Variants in HKDC1 observed in about 807,000 individuals in gnomAD.
HKDC1 encodes hexokinase domain containing 1, also known as hexokinase HKDC1.
In HKDC1, 66 loss-of-function variants were observed where a neutral mutation model predicts 96.6. The ratio of observed to expected loss-of-function variants is 0.68; its 90% confidence interval spans 0.56 to 0.84. The LOEUF is 0.84. Ranked by LOEUF, HKDC1 falls within the 40% of genes least tolerant of loss-of-function variation. The probability of loss-of-function intolerance (pLI) is 0.00; values close to 1 mark genes in which losing one functional copy is unlikely to be tolerated. For synonymous variants in HKDC1, 466 were observed against 473.1 expected, an observed-to-expected ratio of 0.98 and a Z score of 0.20; for missense variants, 1,211 against 1,208.1, an observed-to-expected ratio of 1.00 and a Z score of -0.04.
chr10:69,236,923 A>G (rs747947053), intron 4 of HKDC1, among the ~76,000 whole-genome samples: 1 of 152,206 alleles, frequency 6.6e-6, no homozygotes, highest in African/African-American at 2.4e-5. Flanking sequence ...AGTTCCAACC[A>G]CAAGAAAACT....
chr10:69,258,765 A>G lies in HKDC1; in HGVS notation c.2033-11A>G. 3 of 1,613,938 alleles carry G rather than the reference A, an allele frequency of 1.9e-6. No individual in the cohort carries two copies. The highest frequency in any genetic ancestry group is 2.5e-6 in the Non-Finnish European group (3 of 1,179,880). ...CTTTGAAGACTAAGGTTCCTTCACA[A>G]TTCCTTCTAGGAACAGGCAGCAACA... On this transcript the variant is annotated splice_polypyrimidine_tract_variant and intron_variant, in intron 14 of 17. Transcript: ENST00000354624.
intron 15 of HKDC1, among the ~76,000 whole-genome samples, chr10:69,260,244 G>A (rs1843784798): frequency 6.6e-6 from 1 of 152,236 alleles, no homozygotes; most frequent in Non-Finnish European, 1.5e-5. Context: ...ACAAGACCAA[G>A]ACTGGCCCTG....
intron 15 of HKDC1, among the ~76,000 whole-genome samples, chr10:69,260,375 G>A (rs1843785889): frequency 6.6e-6 from 1 of 152,176 alleles, no homozygotes. Flanking sequence ...CCCAAGTTGG[G>A]GCACCTGAGT....
chr10:69,261,582 A>C (rs945838675), intron 16 of HKDC1: 1 of 287,856 alleles, frequency 3.5e-6, no homozygotes, highest in East Asian at 6.1e-5. Context: ...TAAATATTTC[A>C]TAATGTATTT....
intron 16 of HKDC1, among the ~76,000 whole-genome samples, chr10:69,263,770 T>C (rs1843846804): frequency 6.6e-6 from 1 of 152,176 alleles, no homozygotes; most frequent in Non-Finnish European, 1.5e-5. Flanking sequence ...CAGGAAGGAA[T>C]TGCAGGCTTT....
Position 69,232,753 on chromosome 10 carries a change from T to A in HKDC1, c.227-11T>A, listed in dbSNP as rs1229499618. On this transcript the variant is annotated splice_polypyrimidine_tract_variant and intron_variant, in intron 2 of 17. Coordinates refer to ENST00000354624, the MANE Select transcript of HKDC1 (RefSeq NM_025130.4). ...CCTCAATAAATGGAAACTGAATTTG[T>A]TTCTTAATAGAAAATGGGGAGTTCC... 1 of 1,613,616 alleles carries A rather than the reference T, an allele frequency of 6.2e-7. No individual in the cohort carries two copies. Among genetic ancestry groups the A allele is most frequent in the East Asian group, 2.2e-5 (1 of 44,898 alleles).
chr10:69,235,591 T>C (rs1843348825), intron 4 of HKDC1, among the ~76,000 whole-genome samples: 1 of 152,142 alleles, frequency 6.6e-6, no homozygotes, highest in Admixed American at 6.6e-5. Context: ...CTGGATCCTG[T>C]AGTGCAGGTG....
rs189455888 is a variant in HKDC1 at position 69,248,505 on chromosome 10, C to T, written c.1347C>T (p.Ser449=). The T allele has an allele frequency of 1.4e-4, 228 of 1,612,706 alleles. No individual in the cohort carries two copies. The highest frequency in any genetic ancestry group is 1.8e-4 in the Non-Finnish European group (210 of 1,179,006). Residue 449 remains serine (S), a synonymous_variant, in exon 10 of 18, where the codon AGC becomes AGT. Transcript: ENST00000354624. ...GCTTCCTCCTGTCAGAGAGTGGCAG[C>T]ACCAAGGGGGCCGCCATGGTGACCG... ...DVRFLLSESG[S]TKGAAMVTAV...
At chr10:69,223,732 G>A (rs1178996767) in intron 1 of HKDC1, among the ~76,000 whole-genome samples, 2 of 150,096 alleles carry the variant, frequency 1.3e-5, no homozygotes, top group East Asian at 2.0e-4. Flanking sequence ...ATCACAGGCC[G>A]CACCACCACG....
chr10:69,250,668 C>G lies in HKDC1; in HGVS notation c.1836+16C>G, dbSNP rs761922389. On this transcript the variant is annotated intron_variant, in intron 12 of 17. Transcript: ENST00000354624. ...CATTGACAAGGTAAGATAGCCCCAC[C>G]AGGCTCACGGCCAGCCCAGTGGGCT... The G allele has an allele frequency of 1.1e-5, 18 of 1,612,318 alleles. No individual in the cohort carries two copies. Among genetic ancestry groups the G allele is most frequent in the Admixed American group, 1.7e-5 (1 of 59,992 alleles).
chr10:69,226,069 T>A lies in HKDC1; in HGVS notation c.64-1138T>A, dbSNP rs368203642. The A allele has an allele frequency of 1.2e-4, 19 of 152,200 alleles. No homozygotes were observed. In the East Asian group the frequency reaches 2.5e-3, roughly 20 times the overall value. The allele number at this position is 152,200 out of a possible 1,614,324, so 9.4% of individuals were successfully genotyped here. ...GCCCCTGTCTCTCCTCCTGCCCCCA[T>A]CAATAATCCATCCCAGTGAGCCCGG... On this transcript the variant is annotated intron_variant, in intron 1 of 17. Transcript: ENST00000354624.
chr10:69,265,916 C>A, intron 17 of HKDC1, 98 bp downstream of exon 17: 1 of 825,100 alleles, frequency 1.2e-6, no homozygotes, highest in Non-Finnish European at 2.0e-6. Context: ...TGGGAAGATG[C>A]ATCCCCGTCC....
intron 1 of HKDC1, chr10:69,225,894 G>A (rs4746826): frequency 0.49 from 74,632 of 151,842 alleles, 19,239 homozygotes; most frequent in Non-Finnish European, 0.58. Context: ...GGTGACGTAC[G>A]TGGACGCACT....
At position 69,266,992 on chromosome 10, in the gene HKDC1, G is replaced by A. The variant is rs139447144; in HGVS notation, c.*235G>A. 1,769 of 403,984 alleles carry A rather than the reference G, an allele frequency of 4.4e-3. 32 individuals carry two copies. Among genetic ancestry groups the A allele is most frequent in the East Asian group, 0.027 (627 of 23,272 alleles). The allele number at this position is 403,984 out of a possible 1,614,324, so 25.0% of individuals were successfully genotyped here. ...AAATGGGCCAACTTATGAAATCAAAGTGTCTGTCCTGAGAGATCCCCTTTC... is the reference window on the plus strand; with the variant it reads ...AAATGGGCCAACTTATGAAATCAAAATGTCTGTCCTGAGAGATCCCCTTTC... On this transcript the variant is annotated 3_prime_UTR_variant, in exon 18 of 18. Transcript: ENST00000354624.
intron 12 of HKDC1, among the ~76,000 whole-genome samples, chr10:69,252,654 A>AC (rs1218617220): frequency 6.6e-6 from 1 of 151,236 alleles, no homozygotes; most frequent in Non-Finnish European, 1.5e-5. Flanking sequence ...AAAAAAAAAA[A>AC]AAAAAAAAAC....
At chr10:69,221,930 G>GA (rs942695404) in intron 1 of HKDC1, among the ~76,000 whole-genome samples, 5 of 150,104 alleles carry the variant, frequency 3.3e-5, no homozygotes, top group African/African-American at 7.4e-5. Flanking sequence ...GGAAAGAAAA[G>GA]AAAAAAAAAG....
rs1289204675 is a variant in HKDC1, at chr10:69,243,297, C to A, written c.807C>A (p.Ala269=). 6.2e-7 allele frequency: 1 copy of A among 1,613,580 alleles called. No individual in the cohort carries two copies. Among genetic ancestry groups the A allele is most frequent in the Non-Finnish European group, 8.5e-7 (1 of 1,179,746 alleles). ...GGGGGGCCTTCGGGGACGACGGGGC[C>A]CTGGAGGACATTCGCACTGAGTTCG... ...TEWGAFGDDG[A]LEDIRTEFDR... The change falls in exon 7 of 18, where the codon GCC becomes GCA. Residue 269 remains alanine (A), a synonymous_variant. Transcript: ENST00000354624.
chr10:69,266,513 C>T (rs1241982986), intron 17 of HKDC1, 97 bp from the exon 18 acceptor site: 2 of 1,334,886 alleles, frequency 1.5e-6, no homozygotes, highest in South Asian at 1.5e-5. Context: ...GAAAAGCAAA[C>T]CAAAGGGAAG....
At chr10:69,262,178 A>C (rs1004286704) in intron 16 of HKDC1, 2 of 329,046 alleles carry the variant, frequency 6.1e-6, no homozygotes, top group South Asian at 4.8e-5. Context: ...TTCCCCTATC[A>C]ACTCTTTGGT....
Sources: gnomAD v4.1 joint callset for allele counts (sites outside exome capture counted in the v4.1 genomes callset) on GRCh38, gnomAD v4.1.1 for gene constraint, MANE v1.5 for transcripts, NCBI Gene and HGNC (gene_info 2026-07-23, HGNC 2026-07-21) for gene names.